PLCL2: variants seen among roughly 807,000 people sequenced by gnomAD.
The protein encoded by PLCL2 is phospholipase C like 2.
PLCL2 carries 4 observed loss-of-function variants against 79.6 expected under a neutral mutation model. The ratio of observed to expected loss-of-function variants is 0.05; its 90% confidence interval spans 0.02 to 0.11. PLCL2 has a LOEUF of 0.11. Among genes scored for constraint, PLCL2 ranks in the 10% least tolerant of loss-of-function variants. The pLI, the probability that PLCL2 is intolerant of heterozygous loss-of-function variation, is 1.00. For missense variants in PLCL2, 895 were observed against 1,291.0 expected (o/e 0.69, Z 4.70); for synonymous variants, 484 against 457.7 (o/e 1.06, Z -0.73).
chr3:16,914,008 G>C (rs1696938856), intron 1 of PLCL2, among the ~76,000 whole-genome samples: 1 of 152,088 alleles, frequency 6.6e-6, no homozygotes, highest in Admixed American at 6.5e-5. Context: ...TCTGATCCTG[G>C]GGCCCTTTAG....
chr3:16,886,396 G>A lies in PLCL2; in HGVS notation c.327+1030G>A, dbSNP rs917775426. ...TTCCTGTGGCTGATAACTGGTGGGA[G>A]GGCAGAACGTGCCACAGTAAAGAGA... On this transcript the variant is annotated intron_variant, in intron 1 of 5. Coordinates refer to ENST00000615277, the MANE Select transcript of PLCL2 (RefSeq NM_001144382.2). The surrounding 1 kb of genome is among the most constrained non-coding windows in gnomAD (Gnocchi z 4.2). 7.2e-5 allele frequency among the ~76,000 whole-genome samples: 11 copies of A among 152,190 alleles called. No individual in the cohort carries two copies. The highest frequency in any genetic ancestry group is 2.7e-4 in the African/African-American group (11 of 41,438).
At chr3:16,900,024 A>G (rs1192054342) in intron 1 of PLCL2, among the ~76,000 whole-genome samples, 1 of 152,130 alleles carries the variant, frequency 6.6e-6, no homozygotes, top group Non-Finnish European at 1.5e-5. Context: ...AAATGGAAAC[A>G]TGTAACTGCA....
At chr3:16,910,386 C>T (rs1331439201) in intron 1 of PLCL2, among the ~76,000 whole-genome samples, 1 of 152,272 alleles carries the variant, frequency 6.6e-6, no homozygotes, top group South Asian at 2.1e-4. Flanking sequence ...CCTCCCCTTA[C>T]TTCACCCGTC....
intron 1 of PLCL2, among the ~76,000 whole-genome samples, chr3:16,926,757 G>T (rs1027736737): frequency 1.5e-4 from 23 of 151,364 alleles, no homozygotes; most frequent in African/African-American, 5.1e-4. Flanking sequence ...TCAGCCTCCC[G>T]AGTAGCTGAG....
intron 1 of PLCL2, among the ~76,000 whole-genome samples, chr3:16,974,162 C>T (rs1273940685): frequency 6.6e-6 from 1 of 152,050 alleles, no homozygotes; most frequent in Non-Finnish European, 1.5e-5. Context: ...GAGGTAGGGG[C>T]CAGTCCTTGC....
At chr3:17,002,236 T>G (rs1264693744) in intron 1 of PLCL2, among the ~76,000 whole-genome samples, 4 of 152,162 alleles carry the variant, frequency 2.6e-5, no homozygotes, top group Non-Finnish European at 5.9e-5. Context: ...TTGCTGAATT[T>G]GTTTATCAGT....
chr3:16,911,349 T>G (rs1298234839), intron 1 of PLCL2, among the ~76,000 whole-genome samples: 1 of 152,106 alleles, frequency 6.6e-6, no homozygotes, highest in Non-Finnish European at 1.5e-5. Flanking sequence ...CATTAATATA[T>G]TCTTAATTTT....
chr3:16,887,049 A>C lies in PLCL2; in HGVS notation c.327+1683A>C, dbSNP rs897360139. Among the ~76,000 whole-genome samples the C allele has an allele frequency of 6.6e-6, 1 of 152,238 alleles. No homozygotes were observed. The highest frequency in any genetic ancestry group is 2.4e-5 in the African/African-American group (1 of 41,472). ...AAAACATTTGTTTTAATTTTACATTACTGGGCGATAAGCAAGAAGGATGAT... is the reference window on the plus strand; with the variant it reads ...AAAACATTTGTTTTAATTTTACATTCCTGGGCGATAAGCAAGAAGGATGAT... On this transcript the variant is annotated intron_variant, in intron 1 of 5. Transcript: ENST00000615277. The surrounding 1 kb of genome is among the most constrained non-coding windows in gnomAD (Gnocchi z 4.1).
intron 1 of PLCL2, among the ~76,000 whole-genome samples, chr3:17,006,119 T>A (rs920144665): frequency 6.6e-6 from 1 of 152,356 alleles, no homozygotes; most frequent in South Asian, 2.1e-4. Flanking sequence ...GGTTGAATAA[T>A]CTTCATTATT....
Position 16,917,956 on chromosome 3 carries a change from A to G in PLCL2, c.327+32590A>G, listed in dbSNP as rs17042858. ...TTTGATTCCATAATGCCAGACTTCT[A>G]TTTTCTTATGTGAATCATTCAAATG... On this transcript the variant is annotated intron_variant, in intron 1 of 5. Transcript: ENST00000615277. Among the ~76,000 whole-genome samples the G allele has an allele frequency of 3.9e-3, 596 of 152,250 alleles. 3 individuals are homozygous for G. Among genetic ancestry groups the G allele is most frequent in the African/African-American group, 0.013 (539 of 41,544 alleles).
chr3:17,000,468 CTT>C (rs2064197618), intron 1 of PLCL2, among the ~76,000 whole-genome samples: 1 of 152,050 alleles, frequency 6.6e-6, no homozygotes, highest in Non-Finnish European at 1.5e-5. Context: ...CAAATCTCCT[CTT>C]TTGAAATATA....
chr3:17,054,917 T>G (rs2064878254), intron 4 of PLCL2, among the ~76,000 whole-genome samples: 1 of 152,210 alleles, frequency 6.6e-6, no homozygotes, highest in Admixed American at 6.5e-5. Flanking sequence ...GTTTAGTCAC[T>G]TGACCCTCTC....
At chr3:17,068,821 G>A (rs1361412385) in intron 5 of PLCL2, among the ~76,000 whole-genome samples, 1 of 152,024 alleles carries the variant, frequency 6.6e-6, no homozygotes, top group Non-Finnish European at 1.5e-5. Flanking sequence ...TATGTACCTC[G>A]AAACTTTTTT....
chr3:16,951,765 T>A (rs2063654785), intron 1 of PLCL2, among the ~76,000 whole-genome samples: 1 of 152,158 alleles, frequency 6.6e-6, no homozygotes. Flanking sequence ...TACTTTGACC[T>A]AAAAGTTTCT....
intron 3 of PLCL2, among the ~76,000 whole-genome samples, chr3:17,026,916 C>A (rs1055827769): frequency 6.6e-6 from 1 of 151,516 alleles, no homozygotes; most frequent in Admixed American, 6.6e-5. Context: ...GAAAAAAAAA[C>A]AAAACAAAAT....
rs183264185 is a variant in PLCL2, at chr3:16,967,363, C to G, written c.328-42311C>G. Among the ~76,000 whole-genome samples, 166 of 152,202 alleles carry G rather than the reference C, an allele frequency of 1.1e-3. 1 individual carries two copies. Among genetic ancestry groups the G allele is most frequent in the Non-Finnish European group, 1.8e-3 (125 of 68,006 alleles). On this transcript the variant is annotated intron_variant, in intron 1 of 5. Transcript: ENST00000615277. Reference sequence around the variant, plus strand: ...CAAACTGCTTTCCACAATGGTTGAACTAATTTACTTTTCCACTAGCAATGT... The same window carrying G: ...CAAACTGCTTTCCACAATGGTTGAAGTAATTTACTTTTCCACTAGCAATGT...
At chr3:17,014,959 C>T (rs755825775) in intron 3 of PLCL2, 48 bp downstream of exon 3, 5 of 1,441,590 alleles carry the variant, frequency 3.5e-6, no homozygotes, top group Non-Finnish European at 4.9e-6. Context: ...GAGAGATATC[C>T]TAAGACAACA....
At chr3:17,086,730 A>G (rs1168505132) in intron 5 of PLCL2, among the ~76,000 whole-genome samples, 1 of 152,232 alleles carries the variant, frequency 6.6e-6, no homozygotes, top group East Asian at 1.9e-4. Context: ...CTTAAAACTC[A>G]ACAGTAAGGA....
chr3:16,901,500 C>A (rs1445465680), intron 1 of PLCL2, among the ~76,000 whole-genome samples: 2 of 152,228 alleles, frequency 1.3e-5, no homozygotes, highest in African/African-American at 4.8e-5. Context: ...CCTGTCACCA[C>A]CCCCTCACCG....
Sources: allele counts gnomAD v4.1 joint callset (sites outside exome capture counted in the v4.1 genomes callset), GRCh38; gene constraint gnomAD v4.1.1; non-coding constraint Gnocchi (gnomAD v3.1); transcripts MANE v1.5; gene names NCBI Gene and HGNC (gene_info 2026-07-23, HGNC 2026-07-21).